The following CHMP4C variants were observed in gnomAD, a reference collection of about 807,000 sequenced individuals.
CHMP4C encodes the protein charged multivesicular body protein 4C.
Under a neutral mutation model 29.0 loss-of-function variants are expected in CHMP4C, and 28 were observed. The observed-to-expected ratio is 0.97, with a 90% CI of 0.72 to 1.32. The LOEUF (loss-of-function observed/expected upper bound fraction) is 1.32, where lower values mean the gene tolerates loss of function less well. CHMP4C is among the 40% of genes most tolerant of loss of function. CHMP4C has a pLI of 0.00. For missense variants in CHMP4C, 291 were observed against 281.0 expected, an observed-to-expected ratio of 1.04 and a Z score of -0.25; for synonymous variants, 106 against 102.4, an observed-to-expected ratio of 1.04 and a Z score of -0.21.
chr8:81,750,440 A>G (rs992462975), intron 1 of CHMP4C, among the ~76,000 whole-genome samples: 2 of 148,278 alleles, frequency 1.3e-5, no homozygotes, highest in African/African-American at 4.9e-5. Context: ...GTCTCTACAA[A>G]AAAATTAAAA....
intron 1 of CHMP4C, among the ~76,000 whole-genome samples, chr8:81,742,747 C>A (rs1808776951): frequency 1.3e-5 from 2 of 151,764 alleles, no homozygotes; most frequent in Non-Finnish European, 1.5e-5. Context: ...GGAGTTTGAA[C>A]AAAGATATTA....
At position 81,732,534 on chromosome 8, in the gene CHMP4C, G is replaced by A; in HGVS notation, c.-93G>A. The A allele has an allele frequency of 1.1e-6, 1 of 920,850 alleles. No homozygotes were observed. The highest frequency in any genetic ancestry group is 1.6e-6 in the Non-Finnish European group (1 of 620,932). 57.0% of individuals were successfully genotyped at this position (920,850 alleles called of 1,614,324 possible). On this transcript the variant is annotated 5_prime_UTR_variant, in exon 1 of 5. Transcript: ENST00000297265. ...GGCCGCCTTTCCGGTCTGGGTCCCC[G>A]AGAGGACTGCCTTGCTCACCTGTCC...
intron 1 of CHMP4C, among the ~76,000 whole-genome samples, chr8:81,734,282 G>A (rs1439417182): frequency 1.3e-5 from 2 of 152,102 alleles, no homozygotes; most frequent in African/African-American, 4.8e-5. Context: ...CCATCTATTT[G>A]GATCTGTGTA....
Position 81,732,639 on chromosome 8 carries a change from G to T in CHMP4C, c.13G>T (p.Gly5Cys), listed in dbSNP as rs1377710765. MSKL[G>C]KFFKGGGSSK... Reference sequence around the variant, plus strand: ...GAACTCCACAGCAATGAGCAAGTTGGGCAAGTTCTTTAAAGGGGGCGGCTC... The same window carrying T: ...GAACTCCACAGCAATGAGCAAGTTGTGCAAGTTCTTTAAAGGGGGCGGCTC... The change falls in exon 1 of 5, where the codon GGC becomes TGC. Residue 5 changes from glycine (G) to cysteine (C), a missense_variant. Transcript: ENST00000297265. 6.4e-7 allele frequency: 1 copy of T among 1,552,692 alleles called. No individual in the cohort carries two copies. The highest frequency in any genetic ancestry group is 2.4e-5 in the East Asian group (1 of 41,632).
rs1554592450 is a variant in CHMP4C, at chr8:81,739,418, T to TGGTGG, written c.190+6604_190+6605insTGGGG. 3.2e-5 allele frequency among the ~76,000 whole-genome samples: 3 copies of TGGTGG among 93,578 alleles called. No individual in the cohort carries two copies. The South Asian group carries it at 1.3e-3, about 41-fold the overall frequency. 61.4% of individuals were successfully genotyped at this position (93,578 alleles called of 152,430 possible). ...CGGTATTCTAAGGCCTGGGGGATTG[T>TGGTGG]GGGGGGGGGTGGAAAAAAAAAAAGT... On this transcript the variant is annotated intron_variant, in intron 1 of 4. Transcript: ENST00000297265.
intron 1 of CHMP4C, among the ~76,000 whole-genome samples, chr8:81,736,936 C>T (rs1808699537): frequency 6.6e-6 from 1 of 152,104 alleles, no homozygotes; most frequent in African/African-American, 2.4e-5. Flanking sequence ...TGGCAGTTAC[C>T]ATCATCATCC....
In CHMP4C at chr8:81,752,988, A is replaced by C. The variant is rs115568226; in HGVS notation, c.191-76A>C. ...TAGTTATCAGAAGGTCTAAGTCCAT[A>C]GTGGTGCTGAGCAAACATCTCTTGA... On this transcript the variant is annotated intron_variant, in intron 1 of 4. Transcript: ENST00000297265. 2,160 of 1,277,036 alleles carry C rather than the reference A, an allele frequency of 1.7e-3. 30 individuals carry two copies. The African/African-American group carries it at 0.028, about 16-fold the overall frequency. 79.1% of individuals were successfully genotyped at this position (1,277,036 alleles called of 1,614,324 possible).
chr8:81,758,335 C>T (rs367731140), intron 4 of CHMP4C, 40 bp downstream of exon 4: 5 of 1,606,676 alleles, frequency 3.1e-6, no homozygotes, highest in African/African-American at 1.3e-5. Flanking sequence ...CAGATAGTTG[C>T]CTAAAATGAT....
chr8:81,740,027 T>G (rs918760902), intron 1 of CHMP4C, among the ~76,000 whole-genome samples: 1 of 152,248 alleles, frequency 6.6e-6, no homozygotes, highest in African/African-American at 2.4e-5. Context: ...AATTTTATTG[T>G]CTTATATGCA....
intron 1 of CHMP4C, among the ~76,000 whole-genome samples, chr8:81,742,021 A>T (rs768186291): frequency 6.6e-6 from 1 of 152,202 alleles, no homozygotes; most frequent in Non-Finnish European, 1.5e-5. Flanking sequence ...ATTGGTGCTG[A>T]TAGGGAATTG....
chr8:81,740,558 A>G (rs1808752079), intron 1 of CHMP4C, among the ~76,000 whole-genome samples: 1 of 152,150 alleles, frequency 6.6e-6, no homozygotes, highest in African/African-American at 2.4e-5. Flanking sequence ...GCATAATCCC[A>G]GTTTGACAGA....
chr8:81,743,372 A>G (rs1808786982), intron 1 of CHMP4C, among the ~76,000 whole-genome samples: 1 of 151,842 alleles, frequency 6.6e-6, no homozygotes, highest in Non-Finnish European at 1.5e-5. Flanking sequence ...TCATACTTAT[A>G]CTTAAAAAAT....
At chr8:81,753,976 G>A (rs1808941544) in intron 2 of CHMP4C, among the ~76,000 whole-genome samples, 1 of 152,012 alleles carries the variant, frequency 6.6e-6, no homozygotes, top group Admixed American at 6.6e-5. Context: ...TGGGAAATAT[G>A]TCTGGGACCG....
At chr8:81,742,477 G>A (rs1256558270) in intron 1 of CHMP4C, among the ~76,000 whole-genome samples, 1 of 152,200 alleles carries the variant, frequency 6.6e-6, no homozygotes. Context: ...AACCTAGATG[G>A]AAATTTAGAG....
chr8:81,734,945 G>A (rs1209386898), intron 1 of CHMP4C, among the ~76,000 whole-genome samples: 1 of 151,718 alleles, frequency 6.6e-6, no homozygotes, highest in Non-Finnish European at 1.5e-5. Flanking sequence ...CCAGGCTGGA[G>A]TACAGTGGCA....
chr8:81,758,403 A>T, intron 4 of CHMP4C, 77 bp from the exon 5 acceptor site: 1 of 1,535,372 alleles, frequency 6.5e-7, no homozygotes, highest in Non-Finnish European at 9.0e-7. Context: ...ACATTTTTAT[A>T]TGTAATTCAT....
intron 1 of CHMP4C, among the ~76,000 whole-genome samples, chr8:81,733,210 T>A (rs1049927551): frequency 6.6e-6 from 1 of 152,206 alleles, no homozygotes; most frequent in African/African-American, 2.4e-5. Flanking sequence ...AATTATTTTT[T>A]ATAATGTGAT....
chr8:81,755,311 T>C, intron 2 of CHMP4C, 59 bp from the exon 3 acceptor site: 1 of 912,944 alleles, frequency 1.1e-6, no homozygotes, highest in Non-Finnish European at 1.7e-6. Context: ...TAGGATTATA[T>C]CTAAATTCAT....
chr8:81,737,497 A>G (rs896293883), intron 1 of CHMP4C, among the ~76,000 whole-genome samples: 2 of 152,248 alleles, frequency 1.3e-5, no homozygotes, highest in African/African-American at 4.8e-5. Context: ...ACAGGTCACT[A>G]TTCCAACTTT....
Sources: allele counts gnomAD v4.1 joint callset (sites outside exome capture counted in the v4.1 genomes callset), GRCh38; gene constraint gnomAD v4.1.1; transcripts MANE v1.5; gene names NCBI Gene and HGNC (gene_info 2026-07-23, HGNC 2026-07-21).